PTDSS1: variants seen among roughly 807,000 people sequenced by gnomAD.
PTDSS1 encodes PSS-1.
PTDSS1 carries 45 observed loss-of-function variants against 70.5 expected under a neutral mutation model. That is an observed-to-expected ratio of 0.64 (90% confidence interval 0.50 to 0.82). PTDSS1 has a LOEUF of 0.82. Among genes scored for constraint, PTDSS1 ranks in the 40% least tolerant of loss-of-function variants. The pLI is 0.00. For synonymous variants in PTDSS1, 188 were observed against 203.8 expected, an observed-to-expected ratio of 0.92 and a Z score of 0.66; for missense variants, 417 against 586.1, an observed-to-expected ratio of 0.71 and a Z score of 2.98.
At chr8:96,303,821 G>A (rs1811083289) in intron 6 of PTDSS1, among the ~76,000 whole-genome samples, 2 of 152,160 alleles carry the variant, frequency 1.3e-5, no homozygotes, top group Admixed American at 1.3e-4. Context: ...TCTCCTTGCT[G>A]CCCTGTGCCT....
Position 96,304,133 on chromosome 8 carries a change from T to G in PTDSS1, c.846T>G (p.Ser282=). The change falls in exon 7 of 13, where the codon TCT becomes TCG. Residue 282 remains serine (S), a synonymous_variant. Coordinates refer to ENST00000517309, the MANE Select transcript of PTDSS1 (RefSeq NM_014754.3). ...WTYVRWFDPK[S]SFQRVAGVYL... The stretch of plus-strand genomic sequence containing the variant: ...ATGTTCGATGGTTTGACCCCAAATC[T>G]TCTTTTCAGAGAGTAGCTGGAGTGT... 1 of 1,614,096 alleles carries G rather than the reference T, an allele frequency of 6.2e-7. No individual in the cohort carries two copies. Among genetic ancestry groups the G allele is most frequent in the African/African-American group, 1.3e-5 (1 of 75,048 alleles).
chr8:96,279,625 C>G (rs1433748802), intron 2 of PTDSS1, among the ~76,000 whole-genome samples: 2 of 151,920 alleles, frequency 1.3e-5, no homozygotes, highest in Admixed American at 6.6e-5. Flanking sequence ...TCAAGACCAG[C>G]TTGGCTAACA....
chr8:96,330,956 G>A (rs1047000519), intron 11 of PTDSS1, 70 bp from the exon 12 acceptor site: 30 of 1,355,520 alleles, frequency 2.2e-5, no homozygotes, highest in East Asian at 4.6e-5. Flanking sequence ...CAGCATGCTC[G>A]CCTTTTTGCC....
chr8:96,315,552 G>A (rs1332509511), intron 9 of PTDSS1, among the ~76,000 whole-genome samples: 2 of 152,066 alleles, frequency 1.3e-5, no homozygotes, highest in Non-Finnish European at 2.9e-5. Flanking sequence ...TCAACTCACC[G>A]AAGAGCTCCT....
chr8:96,326,792 G>T (rs141826115), intron 10 of PTDSS1, among the ~76,000 whole-genome samples: 4 of 152,338 alleles, frequency 2.6e-5, no homozygotes, highest in East Asian at 1.9e-4. Flanking sequence ...AGATGGGTTG[G>T]GGGGAAGAAG....
intron 10 of PTDSS1, among the ~76,000 whole-genome samples, chr8:96,323,122 T>A (rs897179960): frequency 6.6e-6 from 1 of 152,246 alleles, no homozygotes; most frequent in Non-Finnish European, 1.5e-5. Context: ...TTATGTTCTG[T>A]GTCCTGGCCT....
chr8:96,287,561 G>T (rs1394787449), intron 4 of PTDSS1, among the ~76,000 whole-genome samples: 1 of 145,666 alleles, frequency 6.9e-6, no homozygotes, highest in African/African-American at 2.4e-5. Flanking sequence ...GTCTGCCATG[G>T]TGCCCCCAAC....
At chr8:96,266,842 C>G (rs540928714) in intron 1 of PTDSS1, among the ~76,000 whole-genome samples, 1 of 152,074 alleles carries the variant, frequency 6.6e-6, no homozygotes, top group Non-Finnish European at 1.5e-5. Context: ...TACATTTTTT[C>G]TTATACTGAT....
intron 1 of PTDSS1, among the ~76,000 whole-genome samples, chr8:96,263,656 T>C (rs140652560): frequency 6.6e-6 from 1 of 152,332 alleles, no homozygotes; most frequent in African/African-American, 2.4e-5. Context: ...AGAACATGTG[T>C]AGGGATATAT....
At chr8:96,288,192 G>A (rs892438569) in intron 4 of PTDSS1, among the ~76,000 whole-genome samples, 1 of 152,140 alleles carries the variant, frequency 6.6e-6, no homozygotes, top group Non-Finnish European at 1.5e-5. Context: ...GTGAGGTCCA[G>A]CAGAGTCCTC....
intron 2 of PTDSS1, among the ~76,000 whole-genome samples, chr8:96,279,840 A>C (rs1368171042): frequency 6.6e-6 from 1 of 151,834 alleles, no homozygotes; most frequent in Non-Finnish European, 1.5e-5. Context: ...TAAATAAATA[A>C]ATAAATAAAT....
rs951500784 is a variant in PTDSS1, at chr8:96,334,739, G to A, written c.*1173G>A. On this transcript the variant is annotated 3_prime_UTR_variant, in exon 13 of 13. Transcript: ENST00000517309. ...ATGTCCTACTTCTTAGACTACCCAA[G>A]TGACCAACAGGAATGAACAACATAG... is the stretch of plus-strand genomic sequence containing the variant. The A allele has an allele frequency of 6.6e-6, 1 of 152,230 alleles. No homozygotes were observed. Among genetic ancestry groups the A allele is most frequent in the Non-Finnish European group, 1.5e-5 (1 of 68,036 alleles). 9.4% of individuals were successfully genotyped at this position (152,230 alleles called of 1,614,324 possible).
At chr8:96,274,452 G>A (rs963970198) in intron 2 of PTDSS1, among the ~76,000 whole-genome samples, 17 of 152,162 alleles carry the variant, frequency 1.1e-4, no homozygotes, top group African/African-American at 4.1e-4. Flanking sequence ...ACAGCCGGGT[G>A]CGGCGGCTCA....
chr8:96,311,442 G>C (rs780312052), intron 9 of PTDSS1, among the ~76,000 whole-genome samples: 6 of 152,138 alleles, frequency 3.9e-5, no homozygotes, highest in Non-Finnish European at 8.8e-5. Flanking sequence ...ATTCAGAAAA[G>C]GATCTAGAAG....
At chr8:96,285,365 G>A (rs1422610176) in intron 3 of PTDSS1, among the ~76,000 whole-genome samples, 1 of 152,216 alleles carries the variant, frequency 6.6e-6, no homozygotes, top group Non-Finnish European at 1.5e-5. Context: ...AAGTCAGAGA[G>A]TCATCGGGCA....
intron 10 of PTDSS1, among the ~76,000 whole-genome samples, chr8:96,321,279 C>T (rs564264781): frequency 3.0e-4 from 45 of 152,226 alleles, no homozygotes; most frequent in African/African-American, 7.9e-4. Flanking sequence ...GATACTTTTT[C>T]GGTTTAATGC....
rs1269831278 is a variant in PTDSS1 at position 96,335,334 on chromosome 8, C to T, written c.*1768C>T. ...ATGTTTTGTTTCATCCTGTGTTCTG[C>T]TTTTCTAAGCATGACATACTTGTGC... On this transcript the variant is annotated 3_prime_UTR_variant, in exon 13 of 13. Transcript: ENST00000517309. The T allele has an allele frequency of 6.6e-6, 1 of 152,216 alleles. No individual in the cohort carries two copies. Among genetic ancestry groups the T allele is most frequent in the Non-Finnish European group, 1.5e-5 (1 of 68,040 alleles). 9.4% of individuals were successfully genotyped at this position (152,216 alleles called of 1,614,324 possible).
intron 3 of PTDSS1, among the ~76,000 whole-genome samples, chr8:96,286,765 C>A (rs192703281): frequency 6.7e-4 from 102 of 152,294 alleles, no homozygotes; most frequent in South Asian, 1.7e-3. Flanking sequence ...ACACCCTTTG[C>A]CTCATGATCC....
chr8:96,300,095 T>C (rs1811030494), intron 6 of PTDSS1, among the ~76,000 whole-genome samples: 1 of 152,132 alleles, frequency 6.6e-6, no homozygotes, highest in African/African-American at 2.4e-5. Flanking sequence ...TTCAAAAGAT[T>C]TCTGAAATCC....
Sources: gnomAD v4.1 joint callset for allele counts (sites outside exome capture counted in the v4.1 genomes callset) on GRCh38, gnomAD v4.1.1 for gene constraint, MANE v1.5 for transcripts, NCBI Gene and HGNC (gene_info 2026-07-23, HGNC 2026-07-21) for gene names.